Variants in BMPR1B observed in about 807,000 individuals in gnomAD.
BMPR1B encodes the protein bone morphogenetic protein receptor type-1B.
Under a neutral mutation model 59.1 loss-of-function variants are expected in BMPR1B, and 12 were observed. The observed-to-expected ratio is 0.20, with a 90% CI of 0.13 to 0.33. BMPR1B has a LOEUF of 0.33. Among genes scored for constraint, BMPR1B ranks in the 10% least tolerant of loss-of-function variants. The pLI, the probability that BMPR1B is intolerant of heterozygous loss-of-function variation, is 1.00. For missense variants in BMPR1B, 550 were observed against 610.9 expected (o/e 0.90, Z 1.05); for synonymous variants, 237 against 207.3 (o/e 1.14, Z -1.23).
intron 2 of BMPR1B, among the ~76,000 whole-genome samples, chr4:94,968,348 T>G (rs995778268): frequency 7.4e-5 from 8 of 107,894 alleles, no homozygotes; most frequent in South Asian, 3.4e-4. Context: ...AATAGTTTTT[T>G]TTGTTGTTGT....
chr4:95,149,379 A>AT (rs1560693799), intron 11 of BMPR1B, among the ~76,000 whole-genome samples: 1 of 152,098 alleles, frequency 6.6e-6, no homozygotes, highest in African/African-American at 2.4e-5. Context: ...TACCTGCTGT[A>AT]TTTTTTATAA....
intron 1 of BMPR1B, among the ~76,000 whole-genome samples, chr4:94,831,233 TAAAA>T (rs34088781): frequency 4.5e-5 from 4 of 88,554 alleles, no homozygotes; most frequent in African/African-American, 7.2e-5. Flanking sequence ...GTTTAAAAAG[TAAAA>T]AAAAAAAAAA....
intron 2 of BMPR1B, among the ~76,000 whole-genome samples, chr4:94,993,273 A>C (rs1545326): frequency 0.72 from 109,706 of 151,968 alleles, 40,757 homozygotes; most frequent in East Asian, 0.86. Context: ...TGTCTAGATT[A>C]TCCACTTCTA....
chr4:94,945,441 T>TTTG (rs1039569817), intron 2 of BMPR1B, among the ~76,000 whole-genome samples: 1 of 152,150 alleles, frequency 6.6e-6, no homozygotes, highest in Non-Finnish European at 1.5e-5. Context: ...CTACTTCTTT[T>TTTG]TTGTTGTTGT....
At position 95,131,314 on chromosome 4, in the gene BMPR1B, C is replaced by G. The variant is rs1206508270; in HGVS notation, c.878C>G (p.Ser293Cys). The G allele has an allele frequency of 6.2e-7, 1 of 1,613,912 alleles. No homozygotes were observed. The highest frequency in any genetic ancestry group is 1.1e-5 in the South Asian group (1 of 91,074). ...GGTTCCCTTTATGATTATCTGAAGTCCACCACCCTAGACGCTAAATCAATG... is the reference window on the plus strand; with the variant it reads ...GGTTCCCTTTATGATTATCTGAAGTGCACCACCCTAGACGCTAAATCAATG... ...ENGSLYDYLK[S>C]TTLDAKSMLK... Residue 293 changes from serine to cysteine, a missense_variant, in exon 10 of 13, where the codon TCC (serine) becomes TGC (cysteine). Around this residue, in one of 6 missense-constraint regions of BMPR1B, gnomAD observed 318 missense variants for 284.6 expected, o/e 1.12. Coordinates refer to ENST00000515059, the MANE Select transcript of BMPR1B (RefSeq NM_001203.3).
intron 2 of BMPR1B, among the ~76,000 whole-genome samples, chr4:94,879,705 AT>A (rs1560529362): frequency 6.6e-6 from 1 of 152,054 alleles, no homozygotes; most frequent in South Asian, 2.1e-4. Flanking sequence ...AGATCTTTAA[AT>A]TTTTTTCCCC....
At chr4:94,827,044 A>G (rs940177756) in intron 1 of BMPR1B, among the ~76,000 whole-genome samples, 5 of 152,208 alleles carry the variant, frequency 3.3e-5, no homozygotes, top group Non-Finnish European at 5.9e-5. Flanking sequence ...TAATTTTCCT[A>G]ATATGAAATA....
chr4:94,979,621 T>C lies in BMPR1B; in HGVS notation c.-112-16419T>C, dbSNP rs867362871. On this transcript the variant is annotated intron_variant, in intron 2 of 12. Transcript: ENST00000515059. ...AAAGTGAAGAAAAATTACATCTCTT[T>C]CTAAAATCTAGCTTTGTATAAGTAT... 2.0e-5 allele frequency among the ~76,000 whole-genome samples: 3 copies of C among 152,222 alleles called. No homozygotes were observed. In the South Asian group the frequency reaches 6.2e-4, roughly 31 times the overall value.
intron 4 of BMPR1B, among the ~76,000 whole-genome samples, chr4:95,112,067 C>T (rs1049762802): frequency 4.6e-5 from 7 of 151,994 alleles, no homozygotes; most frequent in African/African-American, 1.7e-4. Flanking sequence ...CACTTTTCTT[C>T]GTCTATAACA....
chr4:94,914,429 T>G (rs896001481), intron 2 of BMPR1B, among the ~76,000 whole-genome samples: 1 of 152,004 alleles, frequency 6.6e-6, no homozygotes, highest in East Asian at 1.9e-4. Context: ...GATGAAAGAG[T>G]ATTAATTGAG....
intron 3 of BMPR1B, among the ~76,000 whole-genome samples, chr4:95,081,169 C>T (rs1451557659): frequency 6.6e-6 from 1 of 152,108 alleles, no homozygotes; most frequent in Non-Finnish European, 1.5e-5. Context: ...GATGTGTTTG[C>T]TTCCCTTTCC....
At chr4:95,094,655 AGTT>A (rs1730236195) in intron 3 of BMPR1B, among the ~76,000 whole-genome samples, 1 of 152,136 alleles carries the variant, frequency 6.6e-6, no homozygotes, top group African/African-American at 2.4e-5. Context: ...TAAGGAAGTT[AGTT>A]AAGTCACTTG....
chr4:95,154,410 A>G, intron 12 of BMPR1B, 138 bp from the exon 13 acceptor site: 1 of 1,216,930 alleles, frequency 8.2e-7, no homozygotes, highest in Non-Finnish European at 1.1e-6. Flanking sequence ...AAAAGCTTAC[A>G]GAATTTTACT....
chr4:95,079,213 G>A lies in BMPR1B; in HGVS notation c.-17-25195G>A, dbSNP rs182620989. Among the ~76,000 whole-genome samples, 489 of 152,308 alleles carry A rather than the reference G, an allele frequency of 3.2e-3. 2 individuals are homozygous for A. Among genetic ancestry groups the A allele is most frequent in the African/African-American group, 0.011 (464 of 41,562 alleles). On this transcript the variant is annotated intron_variant, in intron 3 of 12. Coordinates refer to ENST00000515059, the MANE Select transcript of BMPR1B (RefSeq NM_001203.3). ...ATAGAAAATACACACAATTGAGATAGGACAGAATCATAAATGTATGTGAGG... is the reference window on the plus strand; with the variant it reads ...ATAGAAAATACACACAATTGAGATAAGACAGAATCATAAATGTATGTGAGG...
intron 1 of BMPR1B, among the ~76,000 whole-genome samples, chr4:94,865,296 T>G (rs1292612005): frequency 6.6e-6 from 1 of 152,046 alleles, no homozygotes; most frequent in Non-Finnish European, 1.5e-5. Flanking sequence ...TGGATATATT[T>G]TAGGTTAATT....
At chr4:95,133,330 G>A (rs1180886823) in intron 10 of BMPR1B, among the ~76,000 whole-genome samples, 2 of 152,078 alleles carry the variant, frequency 1.3e-5, no homozygotes, top group African/African-American at 2.4e-5. Context: ...CTGTGGCTTC[G>A]TATTAAAATG....
At chr4:94,961,063 G>T (rs955752225) in intron 2 of BMPR1B, among the ~76,000 whole-genome samples, 1 of 152,068 alleles carries the variant, frequency 6.6e-6, no homozygotes, top group Non-Finnish European at 1.5e-5. Context: ...AGACCTGTCT[G>T]TTATCTGTGG....
In BMPR1B at chr4:94,905,301, A is replaced by T. The variant is rs1340543986; in HGVS notation, c.-113+29401A>T. Among the ~76,000 whole-genome samples, 2 of 152,048 alleles carry T rather than the reference A, an allele frequency of 1.3e-5. 1 individual carries two copies. The highest frequency in any genetic ancestry group is 4.8e-5 in the African/African-American group (2 of 41,434). The stretch of plus-strand genomic sequence containing the variant: ...CAGGCATAGCAAATATCCCAATTTA[A>T]ATTTTATCTAGAACATGTAGACCTT... On this transcript the variant is annotated intron_variant, in intron 2 of 12. Coordinates refer to ENST00000515059, the MANE Select transcript of BMPR1B (RefSeq NM_001203.3).
At chr4:94,841,546 T>C (rs1725079699) in intron 1 of BMPR1B, among the ~76,000 whole-genome samples, 1 of 151,964 alleles carries the variant, frequency 6.6e-6, no homozygotes, top group South Asian at 2.1e-4. Flanking sequence ...CCGTCACCCC[T>C]TTCTTTGACT....
Sources: allele counts gnomAD v4.1 joint callset (sites outside exome capture counted in the v4.1 genomes callset), GRCh38; gene constraint gnomAD v4.1.1; regional missense constraint gnomAD v4.1.1; transcripts MANE v1.5; gene names NCBI Gene and HGNC (gene_info 2026-07-23, HGNC 2026-07-21).